Variants in ADCY5 observed in about 807,000 individuals in gnomAD.
ADCY5 encodes adenylate cyclase type 5.
Under a neutral mutation model 119.7 loss-of-function variants are expected in ADCY5, and 30 were observed. The observed-to-expected ratio is 0.25, with a 90% CI of 0.19 to 0.34. ADCY5 has a LOEUF of 0.34. Ranked by LOEUF, ADCY5 falls within the 10% of genes least tolerant of loss-of-function variation. The probability of loss-of-function intolerance (pLI) is 1.00; values close to 1 mark genes in which losing one functional copy is unlikely to be tolerated. For missense variants in ADCY5, 1,324 were observed against 1,775.2 expected, an observed-to-expected ratio of 0.75 and a Z score of 4.57; for synonymous variants, 753 against 762.2, an observed-to-expected ratio of 0.99 and a Z score of 0.20.
At chr3:123,422,889 G>A (rs1945328162) in intron 1 of ADCY5, among the ~76,000 whole-genome samples, 2 of 152,238 alleles carry the variant, frequency 1.3e-5, no homozygotes. Context: ...GGGAGATACA[G>A]ACACAGAGAT....
chr3:123,448,030 C>G lies in ADCY5; in HGVS notation c.516G>C (p.Glu172Asp). The G allele has an allele frequency of 8.0e-7, 1 of 1,255,722 alleles. No homozygotes were observed. The highest frequency in any genetic ancestry group is 3.0e-5 in the South Asian group (1 of 33,308). 77.8% of individuals were successfully genotyped at this position (1,255,722 alleles called of 1,614,324 possible). The change falls in exon 1 of 21, where the codon GAG (glutamate) becomes GAC (aspartate). Residue 172 changes from glutamate to aspartate, a missense_variant. Coordinates refer to ENST00000462833, the MANE Select transcript of ADCY5 (RefSeq NM_183357.3). ...CGCCCTCGACGGCGCCGGCCTCCAG[C>G]TCGTCGGCCGCGCGCCCCTTGCCCC... ...ERRGKGRAAD[E>D]LEAGAVEGGE...
intron 3 of ADCY5, among the ~76,000 whole-genome samples, chr3:123,343,291 G>A (rs941227281): frequency 2.6e-5 from 4 of 152,174 alleles, no homozygotes; most frequent in African/African-American, 9.7e-5. Context: ...TGTGGCTGGT[G>A]GTCCCCACTG....
At chr3:123,376,521 G>T (rs185304685) in intron 1 of ADCY5, among the ~76,000 whole-genome samples, 14 of 152,236 alleles carry the variant, frequency 9.2e-5, no homozygotes, top group African/African-American at 2.9e-4. Flanking sequence ...AGAAGGAGGG[G>T]ACACCTATTC....
chr3:123,306,851 A>G (rs1940225306), intron 12 of ADCY5, among the ~76,000 whole-genome samples: 1 of 152,266 alleles, frequency 6.6e-6, no homozygotes, highest in Admixed American at 6.5e-5. Flanking sequence ...TTAATTGTCC[A>G]TCAATTGATG....
intron 1 of ADCY5, among the ~76,000 whole-genome samples, chr3:123,434,560 C>A (rs1020520866): frequency 1.3e-5 from 2 of 152,216 alleles, no homozygotes; most frequent in African/African-American, 2.4e-5. Context: ...TGAGATCACA[C>A]ATAAACAAGT....
At chr3:123,304,364 T>G (rs1940082441) in intron 12 of ADCY5, among the ~76,000 whole-genome samples, 181 bp from the exon 13 acceptor site, 1 of 152,158 alleles carries the variant, frequency 6.6e-6, no homozygotes, top group Admixed American at 6.5e-5. Context: ...GCTGCACCAT[T>G]GCTTCCAGGT....
At chr3:123,420,848 C>T (rs1945289784) in intron 1 of ADCY5, among the ~76,000 whole-genome samples, 1 of 152,184 alleles carries the variant, frequency 6.6e-6, no homozygotes, top group South Asian at 2.1e-4. Flanking sequence ...AGAGTTGGTT[C>T]CTTCTGAGGG....
In ADCY5 at chr3:123,286,479, C is replaced by T. The variant is rs369923614; in HGVS notation, c.3657+206G>A. Among the ~76,000 whole-genome samples, 1 of 152,232 alleles carries T rather than the reference C, an allele frequency of 6.6e-6. No individual in the cohort carries two copies. Among genetic ancestry groups the T allele is most frequent in the South Asian group, 2.1e-4 (1 of 4,834 alleles). ...GCCCAGTAGAGGGCTCTGCAGAAGC[C>T]TGAAGATCTGTCCAAGGTGCTGAGG... On this transcript the variant is annotated intron_variant, in intron 20 of 20. Transcript: ENST00000462833. This position sits in a 1 kb window ranked among gnomAD's most constrained non-coding sequence, Gnocchi z 4.2.
At chr3:123,338,963 C>T (rs973798369) in intron 3 of ADCY5, among the ~76,000 whole-genome samples, 4 of 152,152 alleles carry the variant, frequency 2.6e-5, no homozygotes, top group Middle Eastern at 3.2e-3. Context: ...TCTAGGGGGG[C>T]CTGTAGTGCT....
intron 1 of ADCY5, among the ~76,000 whole-genome samples, chr3:123,395,206 A>C (rs1323222865): frequency 1.3e-5 from 2 of 152,194 alleles, no homozygotes; most frequent in Non-Finnish European, 2.9e-5. Context: ...CTATCTGATA[A>C]ATGGGCAATC....
intron 1 of ADCY5, among the ~76,000 whole-genome samples, chr3:123,422,311 T>G (rs1042408516): frequency 1.3e-5 from 2 of 152,176 alleles, no homozygotes; most frequent in African/African-American, 4.8e-5. Flanking sequence ...CCAGAGGAGC[T>G]AGTCATTTAG....
rs1941133920 is a variant in ADCY5 at position 123,319,965 on chromosome 3, G to A, written c.2112-147C>T. The A allele has an allele frequency of 6.2e-6, 7 of 1,126,680 alleles. No individual in the cohort carries two copies. In the East Asian group the frequency reaches 1.6e-4, roughly 25 times the overall value. The allele number at this position is 1,126,680 out of a possible 1,614,324, so 69.8% of individuals were successfully genotyped here. A position where few individuals can be genotyped will look rare whatever the true frequency, so the allele number is the denominator to read the frequency against. On this transcript the variant is annotated intron_variant, in intron 9 of 20. Transcript: ENST00000462833. Reference sequence around the variant, plus strand: ...AATCAGGGCAGCGGGAGCTGAGACTGAGACCAGAAGCCTAAGCCGTGCTCT... The same window carrying A: ...AATCAGGGCAGCGGGAGCTGAGACTAAGACCAGAAGCCTAAGCCGTGCTCT...
chr3:123,358,195 T>TGTGTGTGTGTGTGTGTGTGTGTGTGTGA (rs58986112), intron 1 of ADCY5, among the ~76,000 whole-genome samples: 2 of 149,200 alleles, frequency 1.3e-5, no homozygotes, highest in African/African-American at 5.0e-5. Flanking sequence ...TGTGTGTGTG[T>TGTGTGTGTGTGTGTGTGTGTGTGTGTGA]AGGGAGTTGG....
intron 1 of ADCY5, among the ~76,000 whole-genome samples, chr3:123,366,865 C>T (rs1943461108): frequency 1.3e-5 from 2 of 152,184 alleles, no homozygotes; most frequent in Non-Finnish European, 1.5e-5. Context: ...TGGGTGATGG[C>T]CAAGGTCTTT....
At chr3:123,446,532 G>A (rs1039289915) in intron 1 of ADCY5, among the ~76,000 whole-genome samples, 1 of 152,178 alleles carries the variant, frequency 6.6e-6, no homozygotes, top group Non-Finnish European at 1.5e-5. Context: ...ATGGATGGCA[G>A]GGGGGCTCCT....
At chr3:123,393,564 T>TTAAAATAAAATAAAA (rs58733977) in intron 1 of ADCY5, among the ~76,000 whole-genome samples, 7,869 of 143,444 alleles carry the variant, frequency 0.055, 482 homozygotes, top group East Asian at 0.23. Context: ...TTCTAAAAAA[T>TTAAAATAAAATAAAA]TAAAATAAAA....
chr3:123,421,627 GGTGGGAGGAGTTCTGA>G (rs1945305028), intron 1 of ADCY5, among the ~76,000 whole-genome samples: 1 of 152,132 alleles, frequency 6.6e-6, no homozygotes, highest in Non-Finnish European at 1.5e-5. Context: ...GCAATGACTG[GGTGGGAGGAGTTCTGA>G]GTGGGCAAGT....
chr3:123,396,811 CAGGCAGGCGA>C (rs1453551434), intron 1 of ADCY5, among the ~76,000 whole-genome samples: 4 of 81,106 alleles, frequency 4.9e-5, no homozygotes, highest in Admixed American at 1.2e-4. Context: ...GGCAGGCAGG[CAGGCAGGCGA>C]GAGAGAGAGA....
At position 123,352,420 on chromosome 3, in the gene ADCY5, G is replaced by T; in HGVS notation, c.1284+12C>A. 1 of 1,609,190 alleles carries T rather than the reference G, an allele frequency of 6.2e-7. No homozygotes were observed. The highest frequency in any genetic ancestry group is 1.3e-5 in the African/African-American group (1 of 75,010). On this transcript the variant is annotated intron_variant, in intron 2 of 20. Coordinates refer to ENST00000462833, the MANE Select transcript of ADCY5 (RefSeq NM_183357.3). The surrounding 1 kb of genome is among the most constrained non-coding windows in gnomAD (Gnocchi z 4.8). ...CTCCGTCCCACTGTGCAAGGGCAGG[G>T]GCCTCACTCACCTGCTGCTGGTTCT... is the stretch of plus-strand genomic sequence containing the variant.
Sources: gnomAD v4.1 joint callset for allele counts (sites outside exome capture counted in the v4.1 genomes callset) on GRCh38, gnomAD v4.1.1 for gene constraint, Gnocchi (gnomAD v3.1) non-coding constraint, MANE v1.5 for transcripts, NCBI Gene and HGNC (gene_info 2026-07-23, HGNC 2026-07-21) for gene names.